Variants in CDH20 observed in about 807,000 individuals in gnomAD.
CDH20 encodes cadherin 20.
Under a neutral mutation model 74.2 loss-of-function variants are expected in CDH20, and 29 were observed. The ratio of observed to expected loss-of-function variants is 0.39; its 90% CI spans 0.29 to 0.53. The LOEUF is 0.53. CDH20 is among the 20% of genes least tolerant of loss of function. CDH20 has a pLI of 0.69. For synonymous variants in CDH20, 469 were observed against 405.4 expected (o/e 1.16, Z -1.88); for missense variants, 988 against 1,048.3 (o/e 0.94, Z 0.79).
intron 9 of CDH20, among the ~76,000 whole-genome samples, chr18:61,544,335 G>A (rs954156449): frequency 3.9e-5 from 6 of 152,222 alleles, no homozygotes; most frequent in Admixed American, 2.0e-4. Context: ...TCTCAGCTAC[G>A]CCTTCTGCAG....
chr18:61,427,010 CAAATCAGG>C (rs916205100), intron 1 of CDH20, among the ~76,000 whole-genome samples: 17 of 151,880 alleles, frequency 1.1e-4, no homozygotes, highest in African/African-American at 4.1e-4. Flanking sequence ...GGATGCAGAG[CAAATCAGG>C]GGTCAGAACA....
intron 1 of CDH20, among the ~76,000 whole-genome samples, chr18:61,485,558 G>T (rs180797940): frequency 1.1e-3 from 164 of 152,204 alleles, no homozygotes; most frequent in Non-Finnish European, 1.6e-3. Context: ...GAAGAAACTG[G>T]GATGGATAGA....
At chr18:61,544,052 T>C (rs927557027) in intron 9 of CDH20, among the ~76,000 whole-genome samples, 2 of 152,262 alleles carry the variant, frequency 1.3e-5, no homozygotes, top group Non-Finnish European at 2.9e-5. Context: ...ACATTTATCC[T>C]ATGCCTACTA....
intron 6 of CDH20, among the ~76,000 whole-genome samples, chr18:61,521,063 T>C (rs1305300624): frequency 1.3e-5 from 2 of 149,498 alleles, no homozygotes; most frequent in Non-Finnish European, 3.0e-5. Context: ...AGACAAGAAG[T>C]AACTAAGATC....
chr18:61,447,422 T>C (rs2144330444), intron 1 of CDH20, among the ~76,000 whole-genome samples: 1 of 152,274 alleles, frequency 6.6e-6, no homozygotes, highest in Non-Finnish European at 1.5e-5. Context: ...ACACTTAACA[T>C]GTGTGGTAAG....
At position 61,539,125 on chromosome 18, in the gene CDH20, G is replaced by A; in HGVS notation, c.1510G>A (p.Glu504Lys). 2 of 1,614,130 alleles carry A rather than the reference G, an allele frequency of 1.2e-6. No individual in the cohort carries two copies. Among genetic ancestry groups the A allele is most frequent in the Non-Finnish European group, 1.7e-6 (2 of 1,180,032 alleles). The change falls in exon 9 of 12, where the codon GAG (glutamate) becomes AAG (lysine). Residue 504 changes from glutamate to lysine, a missense_variant. Glu to Lys is a moderately conservative substitution (Grantham distance 56). Transcript: ENST00000262717. ...FPRFYEAFVC[E>K]NAKAGQLIQT... ...CAGATTCTATGAAGCTTTTGTCTGT[G>A]AGAACGCCAAGGCAGGACAGGTAAG...
intron 7 of CDH20, among the ~76,000 whole-genome samples, chr18:61,529,345 G>A (rs748875699): frequency 1.3e-5 from 2 of 152,170 alleles, no homozygotes; most frequent in South Asian, 2.1e-4. Context: ...TAATGAAAAC[G>A]TGCTTCTGTA....
Position 61,554,216 on chromosome 18 carries a change from A to G in CDH20, c.1927A>G (p.Arg643Gly), listed in dbSNP as rs1031485152. The G allele has an allele frequency of 4.3e-6, 7 of 1,612,288 alleles. No homozygotes were observed. Among genetic ancestry groups the G allele is most frequent in the Admixed American group, 1.7e-5 (1 of 59,972 alleles). Reference sequence around the variant, plus strand: ...GCTGGTGTTGCTCATTTTGTCCATGAGGCGGCACCGGAAACAACCATACAT... The same window carrying G: ...GCTGGTGTTGCTCATTTTGTCCATGGGGCGGCACCGGAAACAACCATACAT... Reference protein sequence around the residue: ...LVLVLLILSMRRHRKQPYIID... With the variant: ...LVLVLLILSMGRHRKQPYIID... Residue 643 changes from arginine to glycine, a missense_variant, in exon 12 of 12, where the codon AGG (arginine) becomes GGG (glycine). Coordinates refer to ENST00000262717, the MANE Select transcript of CDH20 (RefSeq NM_031891.4).
chr18:61,555,277 G>A lies in CDH20; in HGVS notation c.*582G>A, dbSNP rs922401885. The A allele has an allele frequency of 9.7e-6, 9 of 928,128 alleles. No homozygotes were observed. In the Admixed American group the frequency reaches 5.2e-4, roughly 53 times the overall value. The allele number at this position is 928,128 out of a possible 1,614,324, so 57.5% of individuals were successfully genotyped here. Reference sequence around the variant, plus strand: ...AAGACTGAATCAGCCTTGCATGGGGGTGGATGGGTGGGAGGGTGGGTGAAG... The same window carrying A: ...AAGACTGAATCAGCCTTGCATGGGGATGGATGGGTGGGAGGGTGGGTGAAG... On this transcript the variant is annotated 3_prime_UTR_variant, in exon 12 of 12. Coordinates refer to ENST00000262717, the MANE Select transcript of CDH20 (RefSeq NM_031891.4).
chr18:61,491,744 C>T (rs990425011), intron 2 of CDH20, among the ~76,000 whole-genome samples: 5 of 152,162 alleles, frequency 3.3e-5, no homozygotes, highest in African/African-American at 1.2e-4. Flanking sequence ...TGACCCAAAG[C>T]TGTGTTTTCA....
intron 1 of CDH20, among the ~76,000 whole-genome samples, chr18:61,487,365 T>A (rs1910804302): frequency 6.6e-6 from 1 of 152,158 alleles, no homozygotes; most frequent in Admixed American, 6.5e-5. Context: ...AAAAAACACC[T>A]CTAATTGTGA....
chr18:61,490,912 T>A, intron 2 of CDH20, 113 bp downstream of exon 2: 1 of 1,167,872 alleles, frequency 8.6e-7, no homozygotes, highest in Non-Finnish European at 1.2e-6. Flanking sequence ...CTAGAACAAG[T>A]GGTACGTTAC....
intron 9 of CDH20, 72 bp from the exon 10 acceptor site, chr18:61,544,955 T>C: frequency 2.1e-6 from 2 of 964,932 alleles, no homozygotes; most frequent in Non-Finnish European, 3.4e-6. Flanking sequence ...CGTTTCCGGG[T>C]TTGGGATTTA....
chr18:61,544,952 G>A (rs925219427), intron 9 of CDH20, 75 bp from the exon 10 acceptor site: 29 of 936,200 alleles, frequency 3.1e-5, no homozygotes, highest in East Asian at 2.2e-4. Context: ...TCGCGTTTCC[G>A]GGTTTGGGAT....
chr18:61,498,215 C>T (rs2849861), intron 2 of CDH20, among the ~76,000 whole-genome samples: 146,112 of 152,110 alleles, frequency 0.96, 70,282 homozygotes, highest in Middle Eastern at 0.99. Context: ...GCCTGACCAA[C>T]GTGGCCAAAC....
intron 1 of CDH20, among the ~76,000 whole-genome samples, chr18:61,450,404 AAC>A (rs1477363685): frequency 1.3e-5 from 2 of 150,844 alleles, no homozygotes; most frequent in East Asian, 1.9e-4. Context: ...AAAAAAAAAA[AAC>A]TTTTTACTTT....
chr18:61,537,288 T>C (rs1001674656), intron 8 of CDH20, among the ~76,000 whole-genome samples: 2 of 152,138 alleles, frequency 1.3e-5, no homozygotes, highest in Non-Finnish European at 2.9e-5. Context: ...GTATTGAGAT[T>C]CTCCAAAATA....
At chr18:61,528,341 C>T in intron 7 of CDH20, 121 bp downstream of exon 7, 1 of 1,016,084 alleles carries the variant, frequency 9.8e-7, no homozygotes, top group Non-Finnish European at 1.4e-6. Flanking sequence ...AGACTCTCCT[C>T]TTTGAGTTTT....
chr18:61,391,950 G>T (rs1049378947), intron 1 of CDH20, among the ~76,000 whole-genome samples: 2 of 151,958 alleles, frequency 1.3e-5, no homozygotes, highest in South Asian at 4.2e-4. Flanking sequence ...TCTCTCTCCT[G>T]GTCCTCCAGC....
Sources: allele counts gnomAD v4.1 joint callset (sites outside exome capture counted in the v4.1 genomes callset), GRCh38; gene constraint gnomAD v4.1.1; transcripts MANE v1.5; gene names NCBI Gene and HGNC (gene_info 2026-07-23, HGNC 2026-07-21).